ANKS1B: variants seen among roughly 807,000 people sequenced by gnomAD.
ANKS1B encodes the protein ankyrin repeat and sterile alpha motif domain containing 1B, also known as ankyrin repeat and sterile alpha motif domain-containing protein 1B.
In ANKS1B, 36 loss-of-function variants were observed where a neutral mutation model predicts 148.3. The observed-to-expected ratio is 0.24, with a 90% CI of 0.19 to 0.32. ANKS1B has a LOEUF of 0.32. Ranked by LOEUF, ANKS1B falls within the 10% of genes least tolerant of loss-of-function variation. The pLI is 1.00. For missense variants in ANKS1B, 1,157 were observed against 1,542.6 expected (o/e 0.75, Z 4.19); for synonymous variants, 542 against 560.8 (o/e 0.97, Z 0.47).
intron 11 of ANKS1B, among the ~76,000 whole-genome samples, chr12:99,404,929 A>G (rs1232961077): frequency 6.8e-6 from 1 of 146,374 alleles, no homozygotes; most frequent in Non-Finnish European, 1.5e-5. Context: ...ATAACGTACA[A>G]TGAAGCTCCA....
intron 14 of ANKS1B, among the ~76,000 whole-genome samples, chr12:99,200,062 AAC>A (rs2081888954): frequency 6.6e-6 from 1 of 152,228 alleles, no homozygotes; most frequent in Admixed American, 6.5e-5. Context: ...CTGTTGAGTT[AAC>A]ACAGATACAC....
intron 12 of ANKS1B, among the ~76,000 whole-genome samples, chr12:99,284,822 T>C (rs1451036496): frequency 6.6e-6 from 1 of 152,192 alleles, no homozygotes. Flanking sequence ...GGCCCCTCCC[T>C]GCCCCTCTAA....
chr12:99,226,422 CA>C (rs1222002013), intron 14 of ANKS1B, among the ~76,000 whole-genome samples: 1 of 151,948 alleles, frequency 6.6e-6, no homozygotes, highest in Non-Finnish European at 1.5e-5. Flanking sequence ...TGGTGTGATC[CA>C]AAGAGATAAT....
intron 1 of ANKS1B, among the ~76,000 whole-genome samples, chr12:99,937,480 T>G (rs1020242278): frequency 5.9e-5 from 9 of 152,174 alleles, no homozygotes; most frequent in African/African-American, 1.9e-4. Flanking sequence ...ATCTGGCAGC[T>G]TATATTCTTC....
chr12:99,017,391 C>A (rs1170496513), intron 17 of ANKS1B, among the ~76,000 whole-genome samples: 1 of 152,072 alleles, frequency 6.6e-6, no homozygotes, highest in East Asian at 1.9e-4. Flanking sequence ...TTTATCAGCC[C>A]TTACAGATCA....
At chr12:98,792,761 T>C (rs899790394) in intron 22 of ANKS1B, among the ~76,000 whole-genome samples, 20 of 152,234 alleles carry the variant, frequency 1.3e-4, no homozygotes, top group African/African-American at 4.8e-4. Flanking sequence ...GGCTCATCTA[T>C]GTTGTCACAA....
chr12:99,521,609 G>A (rs1430164904), intron 9 of ANKS1B, among the ~76,000 whole-genome samples: 2 of 152,170 alleles, frequency 1.3e-5, no homozygotes, highest in African/African-American at 4.8e-5. Context: ...ACTCATAGAA[G>A]TATCATTTTG....
chr12:99,445,675 T>A (rs1207580722), intron 10 of ANKS1B, among the ~76,000 whole-genome samples: 1 of 151,800 alleles, frequency 6.6e-6, no homozygotes, highest in East Asian at 1.9e-4. Context: ...AATCTATGAA[T>A]TTTTTTTCAA....
At chr12:99,653,640 G>A (rs1421306636) in intron 9 of ANKS1B, among the ~76,000 whole-genome samples, 2 of 147,786 alleles carry the variant, frequency 1.4e-5, no homozygotes, top group African/African-American at 5.0e-5. Flanking sequence ...GATTTTGCTT[G>A]ATAAAGAAGA....
At chr12:98,986,428 T>C (rs2099923423) in intron 17 of ANKS1B, among the ~76,000 whole-genome samples, 1 of 152,164 alleles carries the variant, frequency 6.6e-6, no homozygotes, top group African/African-American at 2.4e-5. Flanking sequence ...ATTTTTATTG[T>C]CTTATCTTCA....
chr12:99,132,354 T>C (rs1213851898), intron 15 of ANKS1B, among the ~76,000 whole-genome samples: 1 of 151,700 alleles, frequency 6.6e-6, no homozygotes, highest in Non-Finnish European at 1.5e-5. Context: ...TAATAGAGAA[T>C]CCTGGGCCGG....
At chr12:98,814,773 A>C (rs2099125981) in intron 19 of ANKS1B, among the ~76,000 whole-genome samples, 1 of 152,186 alleles carries the variant, frequency 6.6e-6, no homozygotes, top group Non-Finnish European at 1.5e-5. Flanking sequence ...AAACCCAAAC[A>C]AATAGGGGTA....
chr12:99,838,929 G>T (rs553372953), intron 1 of ANKS1B, among the ~76,000 whole-genome samples: 1 of 152,006 alleles, frequency 6.6e-6, no homozygotes, highest in South Asian at 2.1e-4. Flanking sequence ...TATTTTGACT[G>T]TTTTGTTACA....
At chr12:99,899,916 T>C (rs2093528938) in intron 1 of ANKS1B, among the ~76,000 whole-genome samples, 1 of 152,048 alleles carries the variant, frequency 6.6e-6, no homozygotes, top group Non-Finnish European at 1.5e-5. Flanking sequence ...TTTTTTTCTT[T>C]TAGATGGAAT....
chr12:99,825,537 C>A, intron 1 of ANKS1B, 148 bp from the exon 2 acceptor site: 1 of 595,200 alleles, frequency 1.7e-6, no homozygotes, highest in Non-Finnish European at 3.0e-6. Context: ...TCTATGAATT[C>A]CCCTCAGAAC....
intron 12 of ANKS1B, among the ~76,000 whole-genome samples, chr12:99,273,703 A>C (rs2077330657): frequency 6.6e-6 from 1 of 150,784 alleles, no homozygotes; most frequent in Non-Finnish European, 1.5e-5. Flanking sequence ...GAGCCTCCGG[A>C]GTAGCTGGGA....
At chr12:99,050,977 GT>G (rs1346885938) in intron 17 of ANKS1B, among the ~76,000 whole-genome samples, 1 of 151,952 alleles carries the variant, frequency 6.6e-6, no homozygotes, top group Non-Finnish European at 1.5e-5. Flanking sequence ...GATTACCGGC[GT>G]GAACCACCAC....
intron 9 of ANKS1B, among the ~76,000 whole-genome samples, chr12:99,522,013 G>A (rs1032789983): frequency 3.9e-5 from 6 of 152,186 alleles, no homozygotes; most frequent in Non-Finnish European, 8.8e-5. Context: ...AATGCTGTTT[G>A]AGAAGCAGAG....
At chr12:99,528,417 G>GAACAAA (rs1408977763) in intron 9 of ANKS1B, among the ~76,000 whole-genome samples, 6 of 103,414 alleles carry the variant, frequency 5.8e-5, no homozygotes, top group African/African-American at 1.5e-4. Flanking sequence ...CCAAAAAACA[G>GAACAAA]AACAAAAACA....
Sources: allele counts gnomAD v4.1 joint callset (sites outside exome capture counted in the v4.1 genomes callset), GRCh38; gene constraint gnomAD v4.1.1; transcripts MANE v1.5; gene names NCBI Gene and HGNC (gene_info 2026-07-23, HGNC 2026-07-21).